ST6GALNAC5: variants seen among roughly 807,000 people sequenced by gnomAD.
ST6GALNAC5 encodes the protein ST6 N-acetylgalactosaminide alpha-2,6-sialyltransferase 5, also known as alpha-N-acetylgalactosaminide alpha-2,6-sialyltransferase 5.
Under a neutral mutation model 33.6 loss-of-function variants are expected in ST6GALNAC5, and 27 were observed. The observed-to-expected ratio is 0.80, with a 90% CI of 0.59 to 1.11. ST6GALNAC5 has a LOEUF of 1.11. ST6GALNAC5 is among the 50% of genes least tolerant of loss of function. The probability of loss-of-function intolerance (pLI) is 0.00; values close to 1 mark genes in which losing one functional copy is unlikely to be tolerated. For missense variants in ST6GALNAC5, 428 were observed against 454.0 expected, an observed-to-expected ratio of 0.94 and a Z score of 0.52; for synonymous variants, 194 against 171.2, an observed-to-expected ratio of 1.13 and a Z score of -1.04.
chr1:76,936,264 G>A (rs1647202233), intron 2 of ST6GALNAC5, among the ~76,000 whole-genome samples: 1 of 151,966 alleles, frequency 6.6e-6, no homozygotes, highest in South Asian at 2.1e-4. Context: ...TTCATTTGAA[G>A]CTCATTATAC....
At chr1:77,061,063 C>T (rs1652559821) in intron 4 of ST6GALNAC5, among the ~76,000 whole-genome samples, 1 of 152,112 alleles carries the variant, frequency 6.6e-6, no homozygotes, top group African/African-American at 2.4e-5. Context: ...GTGTTAAAAA[C>T]ACCTTCTATT....
intron 2 of ST6GALNAC5, among the ~76,000 whole-genome samples, chr1:77,002,233 C>T (rs1449613996): frequency 3.9e-5 from 6 of 152,242 alleles, no homozygotes; most frequent in South Asian, 4.2e-4. Flanking sequence ...GTGTATGTGT[C>T]GAGGAATTTA....
intron 4 of ST6GALNAC5, among the ~76,000 whole-genome samples, chr1:77,056,020 A>G (rs544087945): frequency 6.6e-6 from 1 of 152,304 alleles, no homozygotes; most frequent in East Asian, 1.9e-4. Context: ...TGAGGGCCAC[A>G]TTGTTTTATT....
chr1:77,020,254 G>A (rs1651001450), intron 2 of ST6GALNAC5, among the ~76,000 whole-genome samples: 1 of 152,152 alleles, frequency 6.6e-6, no homozygotes, highest in African/African-American at 2.4e-5. Context: ...CCGAGAATGT[G>A]GTTCTAAGAC....
At chr1:76,942,385 A>T (rs1430852336) in intron 2 of ST6GALNAC5, among the ~76,000 whole-genome samples, 1 of 152,128 alleles carries the variant, frequency 6.6e-6, no homozygotes, top group African/African-American at 2.4e-5. Context: ...AGGTTTGGGA[A>T]GTTCACTTGC....
rs546426455 is a variant in ST6GALNAC5 at position 76,942,880 on chromosome 1, A to G, written c.261+74138A>G. 2.6e-5 allele frequency among the ~76,000 whole-genome samples: 4 copies of G among 152,194 alleles called. No homozygotes were observed. In the South Asian group the frequency reaches 6.2e-4, roughly 24 times the overall value. ...CAGAACTTGACTCGACATCCACAGT[A>G]TCTGATTTATACTGAATTTGCCACA... On this transcript the variant is annotated intron_variant, in intron 2 of 4. Transcript: ENST00000477717.
chr1:77,026,103 G>A (rs538162299), intron 2 of ST6GALNAC5, among the ~76,000 whole-genome samples: 39 of 152,264 alleles, frequency 2.6e-4, no homozygotes, highest in Non-Finnish European at 3.5e-4. Flanking sequence ...AAGTTCCTTC[G>A]CCTCCCAGGG....
At chr1:76,889,727 G>A (rs1230410658) in intron 2 of ST6GALNAC5, among the ~76,000 whole-genome samples, 1 of 151,908 alleles carries the variant, frequency 6.6e-6, no homozygotes, top group African/African-American at 2.4e-5. Context: ...GTTTCTTCTG[G>A]TCTTTCTTTC....
intron 2 of ST6GALNAC5, among the ~76,000 whole-genome samples, chr1:76,879,202 A>G (rs1653721101): frequency 6.6e-6 from 1 of 152,128 alleles, no homozygotes; most frequent in Admixed American, 6.5e-5. Context: ...AATCTCCCTA[A>G]GCCTTTGGGT....
intron 2 of ST6GALNAC5, among the ~76,000 whole-genome samples, chr1:76,983,053 A>G (rs1482355309): frequency 1.3e-5 from 2 of 152,060 alleles, no homozygotes; most frequent in African/African-American, 4.8e-5. Flanking sequence ...GCCACTGCAA[A>G]AATATGCCAA....
chr1:77,019,431 G>C (rs947161493), intron 2 of ST6GALNAC5, among the ~76,000 whole-genome samples: 4 of 152,144 alleles, frequency 2.6e-5, no homozygotes, highest in Non-Finnish European at 5.9e-5. Flanking sequence ...TGTGAGACTC[G>C]CAAAATCTCA....
At chr1:76,913,309 T>C (rs375861780) in intron 2 of ST6GALNAC5, among the ~76,000 whole-genome samples, 2,609 of 147,392 alleles carry the variant, frequency 0.018, 111 homozygotes, top group African/African-American at 0.067. Context: ...GATGGGCTTC[T>C]CTTTGTGGGT....
intron 2 of ST6GALNAC5, among the ~76,000 whole-genome samples, chr1:77,026,635 A>G (rs556851308): frequency 6.6e-6 from 1 of 152,304 alleles, no homozygotes; most frequent in Admixed American, 6.5e-5. Context: ...GGTGTCAACC[A>G]CTGCACATGT....
At chr1:77,028,761 T>G (rs1651341516) in intron 2 of ST6GALNAC5, among the ~76,000 whole-genome samples, 1 of 152,164 alleles carries the variant, frequency 6.6e-6, no homozygotes, top group Non-Finnish European at 1.5e-5. Context: ...GCATTACCAT[T>G]ATTTTATAGG....
chr1:76,921,419 T>C (rs1417395388), intron 2 of ST6GALNAC5, among the ~76,000 whole-genome samples: 1 of 152,016 alleles, frequency 6.6e-6, no homozygotes, highest in African/African-American at 2.4e-5. Context: ...AAAAAAATGA[T>C]TCTTAAAAAC....
intron 2 of ST6GALNAC5, among the ~76,000 whole-genome samples, chr1:77,042,518 A>G (rs1416761983): frequency 6.6e-6 from 1 of 152,236 alleles, no homozygotes; most frequent in Non-Finnish European, 1.5e-5. Context: ...TAAGCCCTGC[A>G]TCAATTATAA....
chr1:77,055,156 C>T (rs1011304428), intron 4 of ST6GALNAC5, among the ~76,000 whole-genome samples: 1 of 151,996 alleles, frequency 6.6e-6, no homozygotes, highest in Non-Finnish European at 1.5e-5. Context: ...GCTTTGTGAG[C>T]AGAGTTCATA....
chr1:76,958,487 C>T (rs569400653), intron 2 of ST6GALNAC5, among the ~76,000 whole-genome samples: 139 of 152,122 alleles, frequency 9.1e-4, no homozygotes, highest in African/African-American at 3.2e-3. Context: ...AATTATCTTG[C>T]GTTTTCCTGT....
At chr1:77,008,447 G>A (rs922395764) in intron 2 of ST6GALNAC5, among the ~76,000 whole-genome samples, 3 of 152,208 alleles carry the variant, frequency 2.0e-5, no homozygotes, top group African/African-American at 7.2e-5. Context: ...CATAAAACTG[G>A]CAGCACTAAC....
Sources: allele counts gnomAD v4.1 joint callset (sites outside exome capture counted in the v4.1 genomes callset), GRCh38; gene constraint gnomAD v4.1.1; transcripts MANE v1.5; gene names NCBI Gene and HGNC (gene_info 2026-07-23, HGNC 2026-07-21).